Variants in DNAH2 observed in about 807,000 individuals in gnomAD.
DNAH2 encodes axonemal beta dynein heavy chain 2.
DNAH2 carries 323 observed loss-of-function variants against 523.5 expected under a neutral mutation model. The observed-to-expected ratio is 0.62, with a 90% CI of 0.56 to 0.68. The LOEUF (loss-of-function observed/expected upper bound fraction) is 0.68. DNAH2 is among the 30% of genes least tolerant of loss of function. The pLI is 0.00. For missense variants in DNAH2, 4,907 were observed against 5,701.5 expected (o/e 0.86, Z 4.49); for synonymous variants, 2,093 against 2,177.4 (o/e 0.96, Z 1.08).
chr17:7,830,819 GTCTCTATCA>G lies in DNAH2; in HGVS notation c.12208_12216del (p.Ser4070_Ser4072del). The G allele has an allele frequency of 6.2e-7, 1 of 1,614,050 alleles. No individual in the cohort carries two copies. Among genetic ancestry groups the G allele is most frequent in the Non-Finnish European group, 8.5e-7 (1 of 1,180,030 alleles). ...ACATCAATGATTATTTCTGTGACCA[GTCTCTATCA>G]ACTCCCTTCCACCGGTGAGGGGGAG... On this transcript the variant is annotated inframe_deletion, in exon 79 of 86. Transcript: ENST00000572933.
rs776847565 is a variant in DNAH2, at chr17:7,776,146, C to T, written c.4944C>T (p.Gly1648=). The T allele has an allele frequency of 6.2e-7, 1 of 1,613,240 alleles. No individual in the cohort carries two copies. Among genetic ancestry groups the T allele is most frequent in the Non-Finnish European group, 8.5e-7 (1 of 1,179,592 alleles). The change falls in exon 31 of 86, where the codon GGC becomes GGT. Residue 1648 remains glycine, a synonymous_variant. Transcript: ENST00000572933. ...KRDKWVKEWA[G]QVVITASQIQ... ...ACAAATGGGTGAAGGAGTGGGCTGG[C>T]CAGGTGAGCTGGGGTCAACAGAAGT...
intron 26 of DNAH2, 49 bp downstream of exon 26, chr17:7,770,688 C>A (rs2151221042): frequency 1.2e-6 from 2 of 1,613,556 alleles, no homozygotes; most frequent in Middle Eastern, 1.6e-4. Context: ...GTGACCCAGG[C>A]TGCAGAGTGG....
In DNAH2 at chr17:7,792,160, T is replaced by C. The variant is rs1597672681; in HGVS notation, c.7053+91T>C. ...CAGGCTCTGCTTGGGTTTCCCTCTC[T>C]CTTTCTTCCACCCGGTGGTCTGGGG... On this transcript the variant is annotated intron_variant, in intron 45 of 85. Transcript: ENST00000572933. 1.1e-5 allele frequency: 17 copies of C among 1,600,568 alleles called. No individual in the cohort carries two copies. The East Asian group carries it at 3.8e-4, about 36-fold the overall frequency.
chr17:7,782,818 C>A (rs2076635747), intron 39 of DNAH2, among the ~76,000 whole-genome samples: 2 of 151,974 alleles, frequency 1.3e-5, no homozygotes, highest in African/African-American at 4.8e-5. Context: ...AAAAAATAGC[C>A]ACACATGGAG....
intron 57 of DNAH2, 47 bp from the exon 58 acceptor site, chr17:7,801,831 C>T (rs1366945814): frequency 1.2e-6 from 2 of 1,613,144 alleles, no homozygotes; most frequent in Non-Finnish European, 1.7e-6. Context: ...AGCCTCTCTC[C>T]CACTTCCGTT....
In DNAH2 at chr17:7,805,042, G is replaced by A. The variant is rs1019231907; in HGVS notation, c.9268G>A (p.Glu3090Lys). Reference sequence around the variant, plus strand: ...TGACAATGCCCAGAAAGATCTAGAAGAGGCACTGCCCGCCCTGGAAGAGGC... The same window carrying A: ...TGACAATGCCCAGAAAGATCTAGAAAAGGCACTGCCCGCCCTGGAAGAGGC... ...LADNAQKDLE[E>K]ALPALEEAMR... The change falls in exon 60 of 86, where the codon GAG (glutamate) becomes AAG (lysine). Residue 3090 changes from glutamate to lysine, a missense_variant. Transcript: ENST00000572933. 6 of 1,613,992 alleles carry A rather than the reference G, an allele frequency of 3.7e-6. No homozygotes were observed. The Admixed American group carries it at 6.7e-5, about 18-fold the overall frequency.
At position 7,763,987 on chromosome 17, in the gene DNAH2, G is replaced by A; in HGVS notation, c.3135G>A (p.Gly1045=). The A allele has an allele frequency of 6.2e-7, 1 of 1,614,222 alleles. No homozygotes were observed. Among genetic ancestry groups the A allele is most frequent in the Non-Finnish European group, 8.5e-7 (1 of 1,180,044 alleles). The stretch of plus-strand genomic sequence containing the variant: ...CTCTGCTCAGGGAGATGGCTGCTGG[G>A]CGCCTCCTGGAGCTGCACACCTACC... The part of the protein sequence containing the change: ...FATLLREMAA[G]RLLELHTYLK... The change falls in exon 19 of 86, where the codon GGG becomes GGA. Residue 1045 remains glycine, a synonymous_variant. Coordinates refer to ENST00000572933, the MANE Select transcript of DNAH2 (RefSeq NM_020877.5).
chr17:7,817,319 G>A lies in DNAH2; in HGVS notation c.9924G>A (p.Val3308=). ...TGGAGGAGGACCTGGGCTACCTGGT[G>A]GGGGACTGTCTCCTGGCAGCTGCCT... ...QGLEEDLGYL[V]GDCLLAAAFL... Residue 3308 remains valine, a synonymous_variant, in exon 65 of 86, where the codon GTG becomes GTA. Transcript: ENST00000572933. 6.2e-7 allele frequency: 1 copy of A among 1,606,736 alleles called. No homozygotes were observed. Among genetic ancestry groups the A allele is most frequent in the South Asian group, 1.1e-5 (1 of 89,762 alleles).
intron 79 of DNAH2, 82 bp downstream of exon 79, chr17:7,830,924 G>T: frequency 6.3e-7 from 1 of 1,575,642 alleles, no homozygotes; most frequent in South Asian, 1.1e-5. Flanking sequence ...GGTAATGTTT[G>T]AGGAGAGGAC....
rs1204330341 is a variant in DNAH2, at chr17:7,833,579, G to A, written c.*46G>A. 1.2e-6 allele frequency: 2 copies of A among 1,607,440 alleles called. No homozygotes were observed. The highest frequency in any genetic ancestry group is 1.7e-6 in the Non-Finnish European group (2 of 1,179,618). ...TTGAGAGAGAGGGTCAGGGACTCCA[G>A]GAGCTAAGACAGATGTTGCACCTAG... On this transcript the variant is annotated 3_prime_UTR_variant, in exon 86 of 86. Coordinates refer to ENST00000572933, the MANE Select transcript of DNAH2 (RefSeq NM_020877.5).
chr17:7,807,612 C>A lies in DNAH2; in HGVS notation c.9729+26C>A. 1 of 1,590,034 alleles carries A rather than the reference C, an allele frequency of 6.3e-7. No individual in the cohort carries two copies. Among genetic ancestry groups the A allele is most frequent in the South Asian group, 1.1e-5 (1 of 90,678 alleles). On this transcript the variant is annotated intron_variant, in intron 63 of 85. Coordinates refer to ENST00000572933, the MANE Select transcript of DNAH2 (RefSeq NM_020877.5). The surrounding 1 kb of genome is among the most constrained non-coding windows in gnomAD (Gnocchi z 5.6). ...GTGAGCTGATCGCCTGTCCTTTCCA[C>A]GGAGGTCCCTCTCCCTGAGTTCTGG...
chr17:7,770,369 G>A lies in DNAH2; in HGVS notation c.4059G>A (p.Glu1353=), dbSNP rs2076281527. The change falls in exon 25 of 86, where the codon GAG becomes GAA. Residue 1353 remains glutamate, a synonymous_variant. Transcript: ENST00000572933. ...GMDQHVEKIG[E]ISASATKELA... ...ATCAGCATGTGGAGAAAATTGGGGA[G>A]ATCTCTGCTTCAGCAACTAAAGAGC... 6.2e-7 allele frequency: 1 copy of A among 1,613,866 alleles called. No homozygotes were observed. Among genetic ancestry groups the A allele is most frequent in the Non-Finnish European group, 8.5e-7 (1 of 1,179,992 alleles).
At position 7,830,497 on chromosome 17, in the gene DNAH2, C is replaced by A. The variant is rs1218601376; in HGVS notation, c.12045+6C>A. The stretch of plus-strand genomic sequence containing the variant: ...TCAATGACTCCGACTTTGAGGTTTG[C>A]ATTAGCCAGGGGTCCTCATCCCAGC... On this transcript the variant is annotated splice_donor_region_variant and intron_variant, in intron 78 of 85. Coordinates refer to ENST00000572933, the MANE Select transcript of DNAH2 (RefSeq NM_020877.5). The A allele has an allele frequency of 6.2e-7, 1 of 1,613,804 alleles. No individual in the cohort carries two copies. The highest frequency in any genetic ancestry group is 2.2e-5 in the East Asian group (1 of 44,890).
intron 30 of DNAH2, 127 bp from the exon 31 acceptor site, chr17:7,775,897 T>G: frequency 7.9e-7 from 1 of 1,266,892 alleles, no homozygotes; most frequent in Non-Finnish European, 1.1e-6. Context: ...GCAAGCCAGC[T>G]GTTGGCCATT....
At chr17:7,801,363 G>A (rs1026149607) in intron 56 of DNAH2, among the ~76,000 whole-genome samples, 1 of 152,138 alleles carries the variant, frequency 6.6e-6, no homozygotes, top group East Asian at 1.9e-4. Context: ...TCCACACCTC[G>A]AAAGTGTAGA....
intron 8 of DNAH2, chr17:7,738,260 C>T (rs902752190): frequency 1.7e-6 from 1 of 598,128 alleles, no homozygotes; most frequent in African/African-American, 1.8e-5. Flanking sequence ...CTACATCTGG[C>T]CAAATTTTCT....
chr17:7,743,425 G>T, intron 12 of DNAH2: 1 of 685,784 alleles, frequency 1.5e-6, no homozygotes, highest in Non-Finnish European at 2.6e-6. Flanking sequence ...CAGCACTTTG[G>T]GAGGCTGAGG....
At chr17:7,723,519 G>C in intron 2 of DNAH2, 109 bp from the exon 3 acceptor site, 2 of 841,572 alleles carry the variant, frequency 2.4e-6, no homozygotes, top group South Asian at 2.7e-5. Flanking sequence ...TGATCCTCCC[G>C]CCTAGTACTC....
chr17:7,823,679 C>A (rs774441438), intron 74 of DNAH2, 51 bp downstream of exon 74: 2 of 1,597,132 alleles, frequency 1.3e-6, no homozygotes, highest in Admixed American at 3.4e-5. Flanking sequence ...CTCCATTCAG[C>A]CACATGCCGG....
Sources: gnomAD v4.1 joint callset for allele counts (sites outside exome capture counted in the v4.1 genomes callset) on GRCh38, gnomAD v4.1.1 for gene constraint, Gnocchi (gnomAD v3.1) non-coding constraint, MANE v1.5 for transcripts, NCBI Gene and HGNC (gene_info 2026-07-23, HGNC 2026-07-21) for gene names.